ARL3: variants seen among roughly 807,000 people sequenced by gnomAD.
ARL3 encodes the protein ADP-ribosylation factor-like protein 3.
In ARL3, 9 loss-of-function variants were observed where a neutral mutation model predicts 26.0. The observed-to-expected ratio is 0.35, with a 90% CI of 0.21 to 0.60. The LOEUF is 0.60. Ranked by LOEUF, ARL3 falls within the 20% of genes least tolerant of loss-of-function variation. The probability of loss-of-function intolerance (pLI) is 0.78; values close to 1 mark genes in which losing one functional copy is unlikely to be tolerated. For missense variants in ARL3, 158 were observed against 215.7 expected, an observed-to-expected ratio of 0.73 and a Z score of 1.67; for synonymous variants, 71 against 78.4, an observed-to-expected ratio of 0.91 and a Z score of 0.50.
intron 5 of ARL3, among the ~76,000 whole-genome samples, chr10:102,681,346 T>C (rs749309641): frequency 1.1e-4 from 16 of 149,202 alleles, no homozygotes; most frequent in Non-Finnish European, 1.9e-4. Flanking sequence ...GAGCCAAGGT[T>C]GTGCCATCGC....
chr10:102,691,168 C>T (rs938217860), intron 3 of ARL3, among the ~76,000 whole-genome samples: 23 of 152,172 alleles, frequency 1.5e-4, no homozygotes, highest in African/African-American at 5.3e-4. Context: ...CATGTGCACA[C>T]TGTGCAGGTT....
chr10:102,694,267 G>A (rs2064235973), intron 3 of ARL3, among the ~76,000 whole-genome samples: 1 of 152,182 alleles, frequency 6.6e-6, no homozygotes, highest in Non-Finnish European at 1.5e-5. Flanking sequence ...GGGATTACAG[G>A]CATGAGCCAC....
intron 3 of ARL3, among the ~76,000 whole-genome samples, chr10:102,698,025 T>A (rs2136004592): frequency 6.6e-6 from 1 of 152,164 alleles, no homozygotes; most frequent in Non-Finnish European, 1.5e-5. Flanking sequence ...GGCTGAGGAA[T>A]GGGACAGTAT....
At chr10:102,697,463 C>T (rs1028744892) in intron 3 of ARL3, among the ~76,000 whole-genome samples, 14 of 152,200 alleles carry the variant, frequency 9.2e-5, no homozygotes, top group Non-Finnish European at 1.5e-5. Flanking sequence ...AGGCGTGAGC[C>T]GCTGCGCCCG....
chr10:102,710,431 A>G (rs1023759107), intron 1 of ARL3, among the ~76,000 whole-genome samples: 4 of 152,236 alleles, frequency 2.6e-5, no homozygotes, highest in African/African-American at 9.6e-5. Flanking sequence ...CTGTGCATCT[A>G]TACATATATG....
Position 102,686,013 on chromosome 10 carries a change from G to A in ARL3, c.316-12C>T. The A allele has an allele frequency of 6.2e-7, 1 of 1,607,726 alleles. No homozygotes were observed. Among genetic ancestry groups the A allele is most frequent in the Non-Finnish European group, 8.5e-7 (1 of 1,175,846 alleles). On this transcript the variant is annotated splice_polypyrimidine_tract_variant and intron_variant, in intron 4 of 5. Transcript: ENST00000260746. ...AATTCCGCTAGTTCCTGGATTTTGA[G>A]AAGGGAGAGGGAGGGAAGGTTAAAA... is the stretch of plus-strand genomic sequence containing the variant.
chr10:102,685,848 A>C lies in ARL3; in HGVS notation c.469T>G (p.Ser157Ala), dbSNP rs1475857723. ...CCCTCTCCTGTGAGAGCTGAGCAAGACTGGATCTGCCAGACTCGGTCGCGG... is the reference window on the plus strand; with the variant it reads ...CCCTCTCCTGTGAGAGCTGAGCAAGCCTGGATCTGCCAGACTCGGTCGCGG... ...TIRDRVWQIQ[S>A]CSALTGEGVQ... The change falls in exon 5 of 6, where the codon TCT becomes GCT. Residue 157 changes from serine to alanine, a missense_variant. Physicochemically the swap from Ser to Ala is moderately conservative, Grantham distance 99. Coordinates refer to ENST00000260746, the MANE Select transcript of ARL3 (RefSeq NM_004311.4). 1.7e-5 allele frequency: 27 copies of C among 1,613,840 alleles called. No individual in the cohort carries two copies. The highest frequency in any genetic ancestry group is 2.2e-5 in the Non-Finnish European group (26 of 1,179,860).
chr10:102,682,625 C>T (rs761379586), intron 5 of ARL3, among the ~76,000 whole-genome samples: 2 of 152,204 alleles, frequency 1.3e-5, no homozygotes, highest in South Asian at 2.1e-4. Flanking sequence ...CACAGAGGGG[C>T]GTGGCTTGCC....
chr10:102,691,279 C>G (rs1292661785), intron 3 of ARL3, among the ~76,000 whole-genome samples: 31 of 122,244 alleles, frequency 2.5e-4, no homozygotes, highest in African/African-American at 9.5e-4. Flanking sequence ...CCCCTCCCCC[C>G]ACCCCACCAC....
chr10:102,684,224 T>C (rs1011587592), intron 5 of ARL3, among the ~76,000 whole-genome samples: 1 of 151,810 alleles, frequency 6.6e-6, no homozygotes, highest in Non-Finnish European at 1.5e-5. Context: ...TCTCAGCTCA[T>C]TGCAAGCTCC....
At chr10:102,693,111 T>C (rs1019735681) in intron 3 of ARL3, among the ~76,000 whole-genome samples, 2 of 152,362 alleles carry the variant, frequency 1.3e-5, no homozygotes, top group African/African-American at 2.4e-5. Flanking sequence ...ACATCTTGGA[T>C]GCTTCCAGGT....
chr10:102,708,834 C>G (rs939143880), intron 1 of ARL3, among the ~76,000 whole-genome samples: 1 of 145,730 alleles, frequency 6.9e-6, no homozygotes, highest in African/African-American at 2.6e-5. Flanking sequence ...CCAGCCTGGA[C>G]AACAAAAGTG....
In ARL3 at chr10:102,702,212, A is replaced by G. The variant is rs184626645; in HGVS notation, c.148-2723T>C. Among the ~76,000 whole-genome samples the G allele has an allele frequency of 3.9e-5, 6 of 152,130 alleles. No homozygotes were observed. The East Asian group carries it at 9.7e-4, about 25-fold the overall frequency. ...GTCTCTAAAAAAAATCTATATCTAGATATAGATGATACAAGCTAGTATATC... is the reference window on the plus strand; with the variant it reads ...GTCTCTAAAAAAAATCTATATCTAGGTATAGATGATACAAGCTAGTATATC... On this transcript the variant is annotated intron_variant, in intron 2 of 5. Coordinates refer to ENST00000260746, the MANE Select transcript of ARL3 (RefSeq NM_004311.4).
At chr10:102,710,461 G>A (rs927506823) in intron 1 of ARL3, among the ~76,000 whole-genome samples, 1 of 152,200 alleles carries the variant, frequency 6.6e-6, no homozygotes, top group African/African-American at 2.4e-5. Context: ...TATTTTAACT[G>A]TCAAATGAAG....
chr10:102,714,388 G>A lies in ARL3; in HGVS notation c.-113C>T. ...CTCGCACGCACAGCTGAGGAGCTGA[G>A]CAGCAATACGGGGCGGGGTGCAGCT... On this transcript the variant is annotated 5_prime_UTR_variant, in exon 1 of 6. Transcript: ENST00000260746. 1 of 1,128,582 alleles carries A rather than the reference G, an allele frequency of 8.9e-7. No individual in the cohort carries two copies. Among genetic ancestry groups the A allele is most frequent in the Non-Finnish European group, 1.1e-6 (1 of 878,014 alleles). 69.9% of individuals were successfully genotyped at this position (1,128,582 alleles called of 1,614,324 possible).
rs2064119420 is a variant in ARL3, at chr10:102,674,303, A to G, written c.*2591T>C. 6.6e-6 allele frequency: 1 copy of G among 152,278 alleles called. No individual in the cohort carries two copies. The highest frequency in any genetic ancestry group is 1.5e-5 in the Non-Finnish European group (1 of 68,088). The allele number at this position is 152,278 out of a possible 1,614,324, so 9.4% of individuals were successfully genotyped here. A position where few individuals can be genotyped will look rare whatever the true frequency, so the allele number is the denominator to read the frequency against. ...ATGTTCCCCAGCTCAGCCCACATCA[A>G]TGACACCCTTGTTTCCATAGTAACC... is the stretch of plus-strand genomic sequence containing the variant. On this transcript the variant is annotated 3_prime_UTR_variant, in exon 6 of 6. Transcript: ENST00000260746.
In ARL3 at chr10:102,714,288, TC is replaced by T; in HGVS notation, c.-14del. On this transcript the variant is annotated 5_prime_UTR_variant, in exon 1 of 6. Coordinates refer to ENST00000260746, the MANE Select transcript of ARL3 (RefSeq NM_004311.4). ...CCACACTCACCATCCTCCCGCCGAG[TC>T]CCTCCTCCTCCTCCTCCTCCTGCTG... 1 of 1,310,200 alleles carries T rather than the reference TC, an allele frequency of 7.6e-7. No individual in the cohort carries two copies. Among genetic ancestry groups the T allele is most frequent in the South Asian group, 3.2e-5 (1 of 31,514 alleles). The allele number at this position is 1,310,200 out of a possible 1,614,324, so 81.2% of individuals were successfully genotyped here. A position where few individuals can be genotyped will look rare whatever the true frequency, so the allele number is the denominator to read the frequency against.
intron 1 of ARL3, among the ~76,000 whole-genome samples, chr10:102,712,129 TGTAA>T (rs904249918): frequency 2.0e-5 from 3 of 152,160 alleles, no homozygotes; most frequent in Admixed American, 2.0e-4. Flanking sequence ...AACCTGGCAC[TGTAA>T]AGCAGGGGTA....
At chr10:102,701,787 T>G (rs1173371104) in intron 2 of ARL3, among the ~76,000 whole-genome samples, 1 of 152,184 alleles carries the variant, frequency 6.6e-6, no homozygotes, top group Non-Finnish European at 1.5e-5. Context: ...GAATTTATTC[T>G]GAGGAAATAA....
Sources: allele counts gnomAD v4.1 joint callset (sites outside exome capture counted in the v4.1 genomes callset), GRCh38; gene constraint gnomAD v4.1.1; transcripts MANE v1.5; gene names NCBI Gene and HGNC (gene_info 2026-07-23, HGNC 2026-07-21).